TTC28: variants seen among roughly 807,000 people sequenced by gnomAD.
The protein encoded by TTC28 is tetratricopeptide repeat protein 28.
Under a neutral mutation model 198.0 loss-of-function variants are expected in TTC28, and 61 were observed. That is an observed-to-expected ratio of 0.31 (90% CI 0.25 to 0.38). TTC28 has a LOEUF of 0.38. Ranked by LOEUF, TTC28 falls within the 10% of genes least tolerant of loss-of-function variation. The pLI is 1.00. For missense variants in TTC28, 2,678 were observed against 3,164.0 expected (o/e 0.85, Z 3.69); for synonymous variants, 1,171 against 1,297.8 (o/e 0.90, Z 2.10).
At chr22:28,145,787 T>C (rs1171932235) in intron 6 of TTC28, among the ~76,000 whole-genome samples, 1 of 152,242 alleles carries the variant, frequency 6.6e-6, no homozygotes, top group Non-Finnish European at 1.5e-5. Flanking sequence ...CGACATATGA[T>C]ACAAACTACA....
chr22:28,304,290 A>C (rs532256203), intron 3 of TTC28, among the ~76,000 whole-genome samples: 5 of 152,256 alleles, frequency 3.3e-5, no homozygotes, highest in Admixed American at 2.6e-4. Context: ...ATCTCAAAAA[A>C]AAAAAAAAGT....
chr22:28,083,668 G>T (rs1304610154), intron 12 of TTC28, among the ~76,000 whole-genome samples: 2 of 152,216 alleles, frequency 1.3e-5, no homozygotes, highest in African/African-American at 2.4e-5. Flanking sequence ...GCAGGTGCAG[G>T]ACAGCGGGTG....
At chr22:28,634,634 G>A (rs1301856246) in intron 1 of TTC28, among the ~76,000 whole-genome samples, 1 of 145,734 alleles carries the variant, frequency 6.9e-6, no homozygotes, top group African/African-American at 2.5e-5. Flanking sequence ...TGCCCTGGCT[G>A]GAGGGCAGCG....
intron 2 of TTC28, among the ~76,000 whole-genome samples, chr22:28,484,104 T>G (rs1313740645): frequency 6.6e-6 from 1 of 151,262 alleles, no homozygotes; most frequent in Non-Finnish European, 1.5e-5. Context: ...ATTTTGGGGG[T>G]TTGTTTATTT....
intron 1 of TTC28, among the ~76,000 whole-genome samples, chr22:28,644,922 G>T (rs1041953960): frequency 2.6e-5 from 4 of 152,080 alleles, no homozygotes; most frequent in Non-Finnish European, 4.4e-5. Context: ...GAGGTGCGCA[G>T]ATCATGAGGT....
chr22:28,590,852 T>A (rs916997032), intron 2 of TTC28, among the ~76,000 whole-genome samples: 3 of 150,480 alleles, frequency 2.0e-5, no homozygotes, highest in Admixed American at 6.6e-5. Flanking sequence ...CTACCAAAAA[T>A]ACAAAATTTA....
At chr22:28,062,080 C>T (rs545325776) in intron 12 of TTC28, among the ~76,000 whole-genome samples, 137 of 152,098 alleles carry the variant, frequency 9.0e-4, no homozygotes, top group African/African-American at 3.2e-3. Flanking sequence ...GAGAGTCTCC[C>T]TCTGTTGCCT....
chr22:28,569,314 A>G, intron 2 of TTC28, among the ~76,000 whole-genome samples: 1 of 152,134 alleles, frequency 6.6e-6, no homozygotes, highest in East Asian at 1.9e-4. Flanking sequence ...TACAGTAACC[A>G]AAACAACATG....
rs754700795 is a variant in TTC28 at position 28,243,174 on chromosome 22, C to CAAAAAAAAAAAAAAAAA, written c.933+53007_933+53023dup. Among the ~76,000 whole-genome samples, 55 of 68,330 alleles carry CAAAAAAAAAAAAAAAAA rather than the reference C, an allele frequency of 8.0e-4. 3 individuals carry two copies. Among genetic ancestry groups the CAAAAAAAAAAAAAAAAA allele is most frequent in the South Asian group, 1.2e-3 (2 of 1,650 alleles). The allele number at this position is 68,330 out of a possible 152,430, so 44.8% of individuals were successfully genotyped here. ...GCAACCTGGCAAAACCCCCTCTCTA[C>CAAAAAAAAAAAAAAAAA]AAAAAAAAAAAAAAAAAAAAAAAAA... is the stretch of plus-strand genomic sequence containing the variant. On this transcript the variant is annotated intron_variant, in intron 5 of 22. Transcript: ENST00000397906.
intron 2 of TTC28, 186 bp downstream of exon 2, chr22:28,629,366 T>C (rs1313404356): frequency 1.7e-6 from 1 of 590,656 alleles, no homozygotes. Flanking sequence ...ATGGAAAGCA[T>C]GCTACAAAAA....
chr22:28,677,646 T>A (rs553418301), intron 1 of TTC28, among the ~76,000 whole-genome samples: 52 of 147,956 alleles, frequency 3.5e-4, no homozygotes, highest in Non-Finnish European at 6.3e-4. Context: ...CTCAAAAAAA[T>A]AAAAATAAGG....
chr22:28,163,494 A>C lies in TTC28; in HGVS notation c.1039T>G (p.Ser347Ala). Reference sequence around the variant, plus strand: ...CGGGCTTCAGAAAGTTCATCTTTGGATTGCTTGGCAAGAAGAACACACTGT... The same window carrying C: ...CGGGCTTCAGAAAGTTCATCTTTGGCTTGCTTGGCAAGAAGAACACACTGT... The part of the protein sequence containing the change: ...HKQCVLLAKQ[S>A]KDELSEAREL... Residue 347 changes from serine to alanine, a missense_variant, in exon 6 of 23, where the codon TCC (serine) becomes GCC (alanine). By Grantham distance (99) the Ser-to-Ala change is moderately conservative (BLOSUM62 1). This residue lies in a region of TTC28 where 775 missense variants were observed against 845.9 expected (regional missense o/e 0.92). Transcript: ENST00000397906. 2 of 1,551,700 alleles carry C rather than the reference A, an allele frequency of 1.3e-6. No homozygotes were observed. The highest frequency in any genetic ancestry group is 2.4e-5 in the South Asian group (2 of 84,056).
chr22:28,125,147 A>T (rs770083234), intron 6 of TTC28, among the ~76,000 whole-genome samples: 2 of 152,166 alleles, frequency 1.3e-5, no homozygotes, highest in Non-Finnish European at 2.9e-5. Flanking sequence ...CAAAGTTACT[A>T]ATCATTTGTT....
intron 5 of TTC28, among the ~76,000 whole-genome samples, chr22:28,273,377 A>C (rs1932214647): frequency 6.6e-6 from 1 of 152,174 alleles, no homozygotes; most frequent in African/African-American, 2.4e-5. Flanking sequence ...ATATTCAAGG[A>C]AAAATGATAA....
rs565028842 is a variant in TTC28, at chr22:28,234,007, C to T, written c.933+62191G>A. ...CTGCAATCTCCGCCTCCCGGGTTCA[C>T]GCTGTTCTCCTGCCTCAGCCTCCCG... is the stretch of plus-strand genomic sequence containing the variant. On this transcript the variant is annotated intron_variant, in intron 5 of 22. Coordinates refer to ENST00000397906, the MANE Select transcript of TTC28 (RefSeq NM_001145418.2). Among the ~76,000 whole-genome samples the T allele has an allele frequency of 1.3e-4, 19 of 151,860 alleles. No homozygotes were observed. In the South Asian group the frequency reaches 2.7e-3, roughly 22 times the overall value.
chr22:28,248,514 A>G (rs1930273667), intron 5 of TTC28, among the ~76,000 whole-genome samples: 1 of 152,176 alleles, frequency 6.6e-6, no homozygotes, highest in Non-Finnish European at 1.5e-5. Context: ...TACATCATAC[A>G]CTACCTAAAT....
chr22:28,204,195 C>T (rs1287195564), intron 5 of TTC28, among the ~76,000 whole-genome samples: 1 of 152,084 alleles, frequency 6.6e-6, no homozygotes, highest in Non-Finnish European at 1.5e-5. Context: ...CCGCAAGCTT[C>T]CCCAGAGAAA....
At chr22:28,186,797 G>C (rs562352909) in intron 5 of TTC28, among the ~76,000 whole-genome samples, 1 of 152,236 alleles carries the variant, frequency 6.6e-6, no homozygotes, top group Admixed American at 6.5e-5. Context: ...GTATTAAAGA[G>C]AGAAATCAAT....
Position 28,629,751 on chromosome 22 carries a change from T to G in TTC28, c.182A>C (p.Lys61Thr). 1.3e-6 allele frequency: 2 copies of G among 1,551,706 alleles called. No individual in the cohort carries two copies. The highest frequency in any genetic ancestry group is 2.4e-5 in the East Asian group (1 of 40,918). ...ACAGGCCTGATTACTCTGACGAACT[T>G]TCTCAACAAATTCAGCTTTGCTCAG... ...PVLSKAEFVE[K>T]VRQSNQACHD... is the part of the protein sequence containing the mutation. Residue 61 changes from lysine to threonine, a missense_variant, in exon 2 of 23, where the codon AAA becomes ACA. By Grantham distance (78) the Lys-to-Thr change is moderately conservative (BLOSUM62 -1). Around this residue, in one of 8 missense-constraint regions of TTC28, gnomAD observed 176 missense variants for 197.9 expected, o/e 0.89. Transcript: ENST00000397906.
Sources: gnomAD v4.1 joint callset for allele counts (sites outside exome capture counted in the v4.1 genomes callset) on GRCh38, gnomAD v4.1.1 for gene constraint, gnomAD v4.1.1 regional missense constraint, MANE v1.5 for transcripts, NCBI Gene and HGNC (gene_info 2026-07-23, HGNC 2026-07-21) for gene names.